Variants in CTNNA3 observed in about 807,000 individuals in gnomAD.
CTNNA3 encodes catenin alpha 3, also known as catenin alpha-3.
Under a neutral mutation model 95.7 loss-of-function variants are expected in CTNNA3, and 76 were observed. The ratio of observed to expected loss-of-function variants is 0.79; its 90% CI spans 0.66 to 0.96. CTNNA3 has a LOEUF of 0.96. CTNNA3 is among the 40% of genes least tolerant of loss of function. The pLI, the probability that CTNNA3 is intolerant of heterozygous loss-of-function variation, is 0.00. For missense variants in CTNNA3, 1,191 were observed against 1,089.8 expected (o/e 1.09, Z -1.31); for synonymous variants, 431 against 374.4 (o/e 1.15, Z -1.74).
chr10:66,626,784 A>G (rs1202730663), intron 9 of CTNNA3, among the ~76,000 whole-genome samples: 2 of 152,112 alleles, frequency 1.3e-5, no homozygotes, highest in Admixed American at 1.3e-4. Flanking sequence ...AGAAAAGTCC[A>G]ATTCCCTTCT....
intron 5 of CTNNA3, among the ~76,000 whole-genome samples, chr10:67,230,345 C>A (rs572880083): frequency 3.6e-4 from 55 of 152,224 alleles, no homozygotes; most frequent in African/African-American, 1.2e-3. Context: ...GGACTTAAAT[C>A]TAAGACCTGA....
chr10:66,640,775 T>C (rs1331377078), intron 9 of CTNNA3, among the ~76,000 whole-genome samples: 2 of 152,144 alleles, frequency 1.3e-5, no homozygotes, highest in Non-Finnish European at 1.5e-5. Flanking sequence ...CACTAGAATA[T>C]ATTCCTTTGA....
intron 1 of CTNNA3, among the ~76,000 whole-genome samples, chr10:67,726,592 AT>A (rs576372054): frequency 0.072 from 3,096 of 42,854 alleles, 199 homozygotes; most frequent in African/African-American, 0.22. Flanking sequence ...AATATGTAAT[AT>A]TATATTACAT....
intron 7 of CTNNA3, among the ~76,000 whole-genome samples, chr10:66,827,753 C>A (rs1842567954): frequency 6.6e-6 from 1 of 152,178 alleles, no homozygotes; most frequent in Admixed American, 6.5e-5. Flanking sequence ...ATTCCCAATA[C>A]AGGTGTATGT....
At position 67,302,006 on chromosome 10, in the gene CTNNA3, A is replaced by AGAACGAAAGAACGAAAGAAC. The variant is rs1491553766; in HGVS notation, c.580-82137_580-82136insGTTCTTTCGTTCTTTCGTTC. 3.0e-4 allele frequency among the ~76,000 whole-genome samples: 4 copies of AGAACGAAAGAACGAAAGAAC among 13,218 alleles called. 1 individual carries two copies. Among genetic ancestry groups the AGAACGAAAGAACGAAAGAAC allele is most frequent in the African/African-American group, 2.8e-3 (4 of 1,444 alleles). 8.7% of individuals were successfully genotyped at this position (13,218 alleles called of 152,430 possible). ...AAGAAAGAAAGAACGAAAGAACGAA[A>AGAACGAAAGAACGAAAGAAC]GAAAGAAAGAAAGAAAGAAAGAAAG... On this transcript the variant is annotated intron_variant, in intron 5 of 17. Coordinates refer to ENST00000433211, the MANE Select transcript of CTNNA3 (RefSeq NM_013266.4).
At chr10:66,993,436 A>G (rs1851150058) in intron 7 of CTNNA3, among the ~76,000 whole-genome samples, 1 of 152,176 alleles carries the variant, frequency 6.6e-6, no homozygotes, top group Non-Finnish European at 1.5e-5. Flanking sequence ...GTACCTGGGA[A>G]GGAAAATAGT....
At chr10:65,980,348 C>A (rs1240580343) in intron 16 of CTNNA3, among the ~76,000 whole-genome samples, 6 of 151,448 alleles carry the variant, frequency 4.0e-5, no homozygotes, top group African/African-American at 1.5e-4. Context: ...TTGCCAACAA[C>A]AACAACAAAA....
chr10:65,991,941 G>C (rs753072770), intron 15 of CTNNA3, among the ~76,000 whole-genome samples: 47 of 152,130 alleles, frequency 3.1e-4, no homozygotes, highest in Middle Eastern at 6.8e-3. Flanking sequence ...CTACTTTCTT[G>C]AGAGTTTTCA....
intron 7 of CTNNA3, among the ~76,000 whole-genome samples, chr10:66,978,552 A>AATATATATATATAT (rs1554890349): frequency 0.013 from 486 of 37,744 alleles, 8 homozygotes; most frequent in Middle Eastern, 0.04. Flanking sequence ...AAAAAAAAAA[A>AATATATATATATAT]ATATATATAT....
At chr10:67,535,896 TCAGAAGAGGTGATG>T (rs1840473205) in intron 4 of CTNNA3, among the ~76,000 whole-genome samples, 1 of 152,074 alleles carries the variant, frequency 6.6e-6, no homozygotes, top group Admixed American at 6.6e-5. Context: ...GAAGTGGGTT[TCAGAAGAGGTGATG>T]TTCAGTATCC....
chr10:66,997,645 A>G (rs1305294187), intron 7 of CTNNA3, among the ~76,000 whole-genome samples: 1 of 152,168 alleles, frequency 6.6e-6, no homozygotes, highest in African/African-American at 2.4e-5. Flanking sequence ...TTAGGACACC[A>G]TCTCTCTGTT....
chr10:66,236,598 A>G (rs927715173), intron 13 of CTNNA3, among the ~76,000 whole-genome samples: 1 of 152,130 alleles, frequency 6.6e-6, no homozygotes, highest in Admixed American at 6.6e-5. Flanking sequence ...AAATCATCAA[A>G]TCAGTAGCAA....
chr10:67,411,616 G>A (rs1186555194), intron 5 of CTNNA3, among the ~76,000 whole-genome samples: 1 of 152,114 alleles, frequency 6.6e-6, no homozygotes, highest in Non-Finnish European at 1.5e-5. Context: ...GACAACTGTA[G>A]ATCAATGCAC....
At chr10:67,668,261 A>G (rs964847438) in intron 1 of CTNNA3, among the ~76,000 whole-genome samples, 6 of 151,932 alleles carry the variant, frequency 3.9e-5, no homozygotes, top group Non-Finnish European at 5.9e-5. Context: ...TACTTAAAAT[A>G]CTCCTTTTTA....
At chr10:66,381,515 G>A (rs929858992) in intron 11 of CTNNA3, among the ~76,000 whole-genome samples, 1 of 151,998 alleles carries the variant, frequency 6.6e-6, no homozygotes, top group Non-Finnish European at 1.5e-5. Flanking sequence ...AGTAGTACTT[G>A]TTATAATACT....
chr10:67,232,176 C>G (rs957140194), intron 5 of CTNNA3, among the ~76,000 whole-genome samples: 4 of 152,066 alleles, frequency 2.6e-5, no homozygotes, highest in Non-Finnish European at 5.9e-5. Flanking sequence ...CAAAGACACT[C>G]CTCGAGAAGA....
At position 67,090,189 on chromosome 10, in the gene CTNNA3, G is replaced by C. The variant is rs370320114; in HGVS notation, c.1047+90128C>G. 1.6e-4 allele frequency among the ~76,000 whole-genome samples: 24 copies of C among 152,088 alleles called. 1 individual carries two copies. In the South Asian group the frequency reaches 3.9e-3, roughly 25 times the overall value. ...CTTAAGGTTCCTGTCCCCATCTTGA[G>C]TGTTTTCGAGATTGGACTCTTCTTT... is the stretch of plus-strand genomic sequence containing the variant. On this transcript the variant is annotated intron_variant, in intron 7 of 17. Transcript: ENST00000433211.
At chr10:66,267,856 C>T (rs1453925979) in intron 13 of CTNNA3, among the ~76,000 whole-genome samples, 1 of 152,010 alleles carries the variant, frequency 6.6e-6, no homozygotes, top group African/African-American at 2.4e-5. Flanking sequence ...CTTAAATTGG[C>T]AGCAGCTATA....
intron 9 of CTNNA3, among the ~76,000 whole-genome samples, chr10:66,710,952 A>G (rs1848272067): frequency 6.6e-6 from 1 of 152,096 alleles, no homozygotes; most frequent in African/African-American, 2.4e-5. Context: ...CATCTTTTAA[A>G]TATACTACTA....
Sources: gnomAD v4.1 joint callset for allele counts (sites outside exome capture counted in the v4.1 genomes callset) on GRCh38, gnomAD v4.1.1 for gene constraint, MANE v1.5 for transcripts, NCBI Gene and HGNC (gene_info 2026-07-23, HGNC 2026-07-21) for gene names.